The following FANCM variants were observed in gnomAD, a reference collection of about 807,000 sequenced individuals.
FANCM encodes FA complementation group M, also known as Fanconi anemia group M protein.
A neutral mutation model predicts 199.5 loss-of-function variants in FANCM; 140 were observed. The observed-to-expected ratio is 0.70, with a 90% CI of 0.61 to 0.81. FANCM has a LOEUF of 0.81. Ranked by LOEUF, FANCM falls within the 30% of genes least tolerant of loss-of-function variation. The pLI, the probability that FANCM is intolerant of heterozygous loss-of-function variation, is 0.00. For missense variants in FANCM, 2,410 were observed against 2,421.4 expected (o/e 1.00, Z 0.10); for synonymous variants, 840 against 836.8 (o/e 1.00, Z -0.07).
At chr14:45,165,105 C>G (rs1037482571) in intron 10 of FANCM, among the ~76,000 whole-genome samples, 5 of 152,162 alleles carry the variant, frequency 3.3e-5, no homozygotes, top group Admixed American at 2.0e-4. Flanking sequence ...GTGCTACAAT[C>G]TTGAGTGACA....
chr14:45,176,437 T>G lies in FANCM; in HGVS notation c.3683T>G (p.Phe1228Cys). 6.2e-7 allele frequency: 1 copy of G among 1,613,090 alleles called. No individual in the cohort carries two copies. Among genetic ancestry groups the G allele is most frequent in the Non-Finnish European group, 8.5e-7 (1 of 1,179,866 alleles). Residue 1228 changes from phenylalanine to cysteine, a missense_variant, in exon 14 of 23, where the codon TTT becomes TGT. Transcript: ENST00000267430. ...EDIFDCSRDLFSVTFDLGFCS... is the reference protein window; with the variant it reads ...EDIFDCSRDLCSVTFDLGFCS... ...ATTTTTGATTGCTCTAGGGATTTATTTTCTGTTACCTTTGATTTAGGATTC... is the reference window on the plus strand; with the variant it reads ...ATTTTTGATTGCTCTAGGGATTTATGTTCTGTTACCTTTGATTTAGGATTC...
chr14:45,200,104 A>G lies in FANCM; in HGVS notation c.*96A>G. ...TTTATGTTTATTTGTAAATAAGAGAATATTTTATTTAAATATTTTATATTG... is the reference window on the plus strand; with the variant it reads ...TTTATGTTTATTTGTAAATAAGAGAGTATTTTATTTAAATATTTTATATTG... On this transcript the variant is annotated 3_prime_UTR_variant, in exon 23 of 23. Coordinates refer to ENST00000267430, the MANE Select transcript of FANCM (RefSeq NM_020937.4). 1.7e-6 allele frequency: 1 copy of G among 604,044 alleles called. No homozygotes were observed. Among genetic ancestry groups the G allele is most frequent in the Non-Finnish European group, 2.6e-6 (1 of 387,384 alleles). 37.4% of individuals were successfully genotyped at this position (604,044 alleles called of 1,614,324 possible).
chr14:45,158,809 A>C (rs1887374757), intron 8 of FANCM, among the ~76,000 whole-genome samples: 1 of 152,090 alleles, frequency 6.6e-6, no homozygotes, highest in Non-Finnish European at 1.5e-5. Context: ...AAAAATTTCA[A>C]GATGTTTGAA....
chr14:45,155,611 C>T (rs926738825), intron 8 of FANCM, 152 bp downstream of exon 8: 5 of 502,324 alleles, frequency 1.0e-5, no homozygotes, highest in Non-Finnish European at 1.9e-5. Flanking sequence ...CCAGCCTGAC[C>T]AACATGGTAA....
At position 45,140,674 on chromosome 14, in the gene FANCM, T is replaced by G; in HGVS notation, c.724T>G (p.Leu242Val). 1 of 1,604,116 alleles carries G rather than the reference T, an allele frequency of 6.2e-7. No homozygotes were observed. Among genetic ancestry groups the G allele is most frequent in the Non-Finnish European group, 8.5e-7 (1 of 1,171,418 alleles). ...CAAATATACAAATCACTTTAGAATC[T>G]TGGCTCTAAGTGCCACACCAGGTAG... ...LVKYTNHFRI[L>V]ALSATPGSDI... The change falls in exon 3 of 23, where the codon TTG (leucine) becomes GTG (valine). Residue 242 changes from leucine (L) to valine (V), a missense_variant. Coordinates refer to ENST00000267430, the MANE Select transcript of FANCM (RefSeq NM_020937.4).
intron 20 of FANCM, among the ~76,000 whole-genome samples, chr14:45,190,189 G>A (rs1310526387): frequency 6.6e-6 from 1 of 152,076 alleles, no homozygotes; most frequent in African/African-American, 2.4e-5. Context: ...CTGTAAAACT[G>A]TTTCTCGTTT....
chr14:45,192,841 T>TA (rs918470105), intron 20 of FANCM, among the ~76,000 whole-genome samples: 29 of 150,224 alleles, frequency 1.9e-4, no homozygotes, highest in Non-Finnish European at 4.4e-5. Context: ...AAAAAAAAAT[T>TA]AAAAAAAAAT....
chr14:45,149,216 A>AAAGCAAAT (rs1478370573), intron 4 of FANCM, among the ~76,000 whole-genome samples: 3 of 152,168 alleles, frequency 2.0e-5, no homozygotes, highest in Admixed American at 1.3e-4. Flanking sequence ...GGCCATTTGT[A>AAAGCAAAT]AAGCAAATAA....
rs925059706 is a variant in FANCM at position 45,151,847 on chromosome 14, G to A, written c.1050+319G>A. On this transcript the variant is annotated intron_variant, in intron 5 of 22. Coordinates refer to ENST00000267430, the MANE Select transcript of FANCM (RefSeq NM_020937.4). ...TAGGATTGCTTGAGCCTGGGTGGTC[G>A]AGGCTGCAGTGAGCTGTGATTGCAG... is the stretch of plus-strand genomic sequence containing the variant. Among the ~76,000 whole-genome samples the A allele has an allele frequency of 2.7e-5, 4 of 150,334 alleles. No individual in the cohort carries two copies. The South Asian group carries it at 8.4e-4, about 32-fold the overall frequency.
chr14:45,163,589 G>A (rs1453618244), intron 9 of FANCM, among the ~76,000 whole-genome samples: 1 of 152,122 alleles, frequency 6.6e-6, no homozygotes, highest in Non-Finnish European at 1.5e-5. Flanking sequence ...ATCCTGGAAT[G>A]GTAGTATAAA....
rs1187978796 is a variant in FANCM at position 45,136,439 on chromosome 14, G to A, written c.408G>A (p.Lys136=). 1 of 1,614,204 alleles carries A rather than the reference G, an allele frequency of 6.2e-7. No homozygotes were observed. The highest frequency in any genetic ancestry group is 1.1e-5 in the South Asian group (1 of 91,088). Residue 136 remains lysine (K), a synonymous_variant, in exon 1 of 23, where the codon AAG becomes AAA. Coordinates refer to ENST00000267430, the MANE Select transcript of FANCM (RefSeq NM_020937.4). ...TCTACCGCTGGTTCCCTTCAGGAAA[G>A]GTGGTCTTCATGGCCCCAACGAAAC... The part of the protein sequence containing the change: ...YNFYRWFPSG[K]VVFMAPTKPL...
intron 14 of FANCM, among the ~76,000 whole-genome samples, chr14:45,177,753 A>G (rs935665126): frequency 1.3e-5 from 2 of 152,166 alleles, no homozygotes; most frequent in Admixed American, 6.6e-5. Flanking sequence ...TGCTTTTGGT[A>G]TGTTGAAGAT....
In FANCM at chr14:45,175,621, C is replaced by T. The variant is rs2139244414; in HGVS notation, c.2867C>T (p.Ser956Leu). Reference protein sequence around the residue: ...YNSFNDEKSVSSNLFLPFEEE... With the variant: ...YNSFNDEKSVLSNLFLPFEEE... ...AGTTTCAATGATGAAAAATCTGTTT[C>T]ATCTAACTTATTTCTTCCATTCGAA... The change falls in exon 14 of 23, where the codon TCA becomes TTA. Residue 956 changes from serine (S) to leucine (L), a missense_variant. Coordinates refer to ENST00000267430, the MANE Select transcript of FANCM (RefSeq NM_020937.4). 1 of 1,613,502 alleles carries T rather than the reference C, an allele frequency of 6.2e-7. No homozygotes were observed. The highest frequency in any genetic ancestry group is 8.5e-7 in the Non-Finnish European group (1 of 1,179,624).
Position 45,167,180 on chromosome 14 carries a change from T to G in FANCM, c.2002+17T>G, listed in dbSNP as rs1321580522. 6.8e-7 allele frequency: 1 copy of G among 1,470,718 alleles called. No homozygotes were observed. The highest frequency in any genetic ancestry group is 9.5e-7 in the Non-Finnish European group (1 of 1,049,354). The allele number at this position is 1,470,718 out of a possible 1,614,324, so 91.1% of individuals were successfully genotyped here. On this transcript the variant is annotated intron_variant, in intron 11 of 22. Transcript: ENST00000267430. ...ATAGGGATGGTAAATAAATTTTGCA[T>G]TTGACACATGCATTTTTCCCCTGTT...
intron 4 of FANCM, among the ~76,000 whole-genome samples, chr14:45,150,726 T>G (rs1262574383): frequency 1.3e-5 from 2 of 152,242 alleles, no homozygotes; most frequent in African/African-American, 2.4e-5. Flanking sequence ...TCAAAGACTC[T>G]ACAGCATTAT....
chr14:45,198,981 G>A (rs757014391), intron 22 of FANCM, 46 bp downstream of exon 22: 15 of 1,432,252 alleles, frequency 1.0e-5, no homozygotes, highest in Non-Finnish European at 1.4e-5. Context: ...TAAAAGATTC[G>A]TAAAAGCATT....
At chr14:45,181,785 A>G (rs1889091422) in intron 16 of FANCM, 80 bp downstream of exon 16, 2 of 829,886 alleles carry the variant, frequency 2.4e-6, no homozygotes, top group African/African-American at 1.7e-5. Flanking sequence ...GTGTAGATAA[A>G]TATAGGTATT....
At chr14:45,156,837 G>C (rs1232992235) in intron 8 of FANCM, among the ~76,000 whole-genome samples, 1 of 146,430 alleles carries the variant, frequency 6.8e-6, no homozygotes, top group Non-Finnish European at 1.5e-5. Flanking sequence ...AGAATCTCTT[G>C]AACCTGGGAG....
chr14:45,159,329 T>C (rs770529044), intron 9 of FANCM, 49 bp downstream of exon 9: 48 of 1,399,666 alleles, frequency 3.4e-5, no homozygotes, highest in Middle Eastern at 3.5e-4. Flanking sequence ...TGATTAGCTT[T>C]GCACTTGTTC....
Sources: gnomAD v4.1 joint callset for allele counts (sites outside exome capture counted in the v4.1 genomes callset) on GRCh38, gnomAD v4.1.1 for gene constraint, MANE v1.5 for transcripts, NCBI Gene and HGNC (gene_info 2026-07-23, HGNC 2026-07-21) for gene names.